Variants in FHAD1 observed in about 807,000 individuals in gnomAD.
The protein encoded by FHAD1 is forkhead associated phosphopeptide binding domain 1, also known as forkhead-associated domain-containing protein 1.
Under a neutral mutation model 191.3 loss-of-function variants are expected in FHAD1, and 146 were observed. The ratio of observed to expected loss-of-function variants is 0.76; its 90% CI spans 0.67 to 0.88. FHAD1 has a LOEUF of 0.88. Among genes scored for constraint, FHAD1 ranks in the 40% least tolerant of loss-of-function variants. FHAD1 has a pLI of 0.00. For synonymous variants in FHAD1, 616 were observed against 672.3 expected, an observed-to-expected ratio of 0.92 and a Z score of 1.29; for missense variants, 1,635 against 1,785.8, an observed-to-expected ratio of 0.92 and a Z score of 1.52.
chr1:15,252,840 A>G (rs1752000), intron 2 of FHAD1, among the ~76,000 whole-genome samples: 44,347 of 152,186 alleles, frequency 0.29, 7,511 homozygotes, highest in Non-Finnish European at 0.39. Flanking sequence ...TGACAACCAA[A>G]GAAGTTGAAA....
Position 15,328,393 on chromosome 1 carries a change from CATCGAGAAG to C in FHAD1, c.1675_1683del (p.Ile559_Lys561del). 6.5e-7 allele frequency: 1 copy of C among 1,544,804 alleles called. No individual in the cohort carries two copies. The highest frequency in any genetic ancestry group is 8.7e-7 in the Non-Finnish European group (1 of 1,144,526). ...CCAAGCAGGAGGAGACCACCGAGAA[CATCGAGAAG>C]CTGAGGACGTCGCTGGACAGCTGCC... On this transcript the variant is annotated inframe_deletion, in exon 13 of 34. Transcript: ENST00000688493.
chr1:15,324,523 C>A lies in FHAD1; in HGVS notation c.1437C>A (p.Ser479Arg). 1.9e-6 allele frequency: 3 copies of A among 1,551,898 alleles called. No individual in the cohort carries two copies. The highest frequency in any genetic ancestry group is 2.6e-6 in the Non-Finnish European group (3 of 1,146,972). The change falls in exon 11 of 34, where the codon AGC (serine) becomes AGA (arginine). Residue 479 changes from serine (S) to arginine (R), a missense_variant. Physicochemically the swap from Ser to Arg is moderately radical, Grantham distance 110 (BLOSUM62 -1). Transcript: ENST00000688493. ...TGCAAGAAATGGGGAACAGAGAGAG[C>A]GTCATTAAAATCAATTTGGAGAGGG... ...LQLQEMGNRE[S>R]VIKINLERAV...
intron 33 of FHAD1, among the ~76,000 whole-genome samples, chr1:15,396,875 TCTC>T (rs1156343084): frequency 1.3e-5 from 2 of 151,522 alleles, no homozygotes; most frequent in Non-Finnish European, 2.9e-5. Context: ...AGTGTCTAGT[TCTC>T]CTCATGTTAA....
chr1:15,318,882 A>G lies in FHAD1; in HGVS notation c.1365+954A>G, dbSNP rs1299805590. ...ATCACACATTTATTTTAATTTTTTT[A>G]ACTGAAAATATCTTCGAGAGTCCTG... is the stretch of plus-strand genomic sequence containing the variant. On this transcript the variant is annotated intron_variant, in intron 10 of 33. Coordinates refer to ENST00000688493, the MANE Select transcript of FHAD1 (RefSeq NM_001391957.1). The surrounding 1 kb of genome is among the most constrained non-coding windows in gnomAD (Gnocchi z 4.1). Among the ~76,000 whole-genome samples, 1 of 152,222 alleles carries G rather than the reference A, an allele frequency of 6.6e-6. No homozygotes were observed. Among genetic ancestry groups the G allele is most frequent in the Non-Finnish European group, 1.5e-5 (1 of 68,030 alleles).
chr1:15,305,756 G>C, intron 6 of FHAD1: 1 of 447,636 alleles, frequency 2.2e-6, no homozygotes, highest in Admixed American at 2.4e-5. Context: ...TCTTGCCGCC[G>C]CCATGTAAGA....
At chr1:15,341,181 C>CA (rs953893265) in intron 15 of FHAD1, among the ~76,000 whole-genome samples, 18 of 151,318 alleles carry the variant, frequency 1.2e-4, no homozygotes, top group Admixed American at 2.0e-4. Flanking sequence ...GACACCATCT[C>CA]AAAAAAAACA....
intron 31 of FHAD1, among the ~76,000 whole-genome samples, chr1:15,385,669 G>A (rs1701945604): frequency 6.6e-6 from 1 of 152,116 alleles, no homozygotes; most frequent in African/African-American, 2.4e-5. Flanking sequence ...CAGCTACTTG[G>A]GAGGCTAAGG....
chr1:15,314,100 T>TAATA (rs1558081911), intron 8 of FHAD1, among the ~76,000 whole-genome samples: 1 of 144,356 alleles, frequency 6.9e-6, no homozygotes, highest in African/African-American at 2.6e-5. Context: ...ATAATAATAA[T>TAATA]AACTATTTGC....
chr1:15,327,339 C>G lies in FHAD1; in HGVS notation c.1557+197C>G. 1.9e-6 allele frequency: 1 copy of G among 536,760 alleles called. No individual in the cohort carries two copies. The highest frequency in any genetic ancestry group is 3.3e-6 in the Non-Finnish European group (1 of 300,892). 33.2% of individuals were successfully genotyped at this position (536,760 alleles called of 1,614,324 possible). ...TAAAGTAAAAGCCAGTTAAAACTCC[C>G]TTGAAATGTGTCTGTGAAAATCAAA... is the stretch of plus-strand genomic sequence containing the variant. On this transcript the variant is annotated intron_variant, in intron 12 of 33. Transcript: ENST00000688493. This position sits in a 1 kb window ranked among gnomAD's most constrained non-coding sequence, Gnocchi z 5.1.
At chr1:15,291,456 T>A (rs1300207959) in intron 4 of FHAD1, among the ~76,000 whole-genome samples, 1 of 152,226 alleles carries the variant, frequency 6.6e-6, no homozygotes, top group Non-Finnish European at 1.5e-5. Context: ...TAATTTTAGA[T>A]ACATTTTAAA....
intron 14 of FHAD1, among the ~76,000 whole-genome samples, chr1:15,333,211 G>A (rs937082257): frequency 6.6e-6 from 1 of 152,100 alleles, no homozygotes; most frequent in African/African-American, 2.4e-5. Flanking sequence ...TACGTCAAGC[G>A]CCCAAAAGAC....
chr1:15,372,245 G>T (rs1156488983), intron 26 of FHAD1, among the ~76,000 whole-genome samples: 1 of 152,024 alleles, frequency 6.6e-6, no homozygotes, highest in East Asian at 1.9e-4. Flanking sequence ...GTGGGGGTAG[G>T]GGACCGTCCC....
At position 15,352,775 on chromosome 1, in the gene FHAD1, C is replaced by T. The variant is rs988752549; in HGVS notation, c.2455-102C>T. The T allele has an allele frequency of 3.7e-6, 3 of 821,792 alleles. No individual in the cohort carries two copies. In the African/African-American group the frequency reaches 5.1e-5, roughly 14 times the overall value. 50.9% of individuals were successfully genotyped at this position (821,792 alleles called of 1,614,324 possible). A position where few individuals can be genotyped will look rare whatever the true frequency, so the allele number is the denominator to read the frequency against. Reference sequence around the variant, plus strand: ...TGTTCTTTGAGATCTTTCTCTCCAACCCTGACTTGGTGGCTTCCACGGTGA... The same window carrying T: ...TGTTCTTTGAGATCTTTCTCTCCAATCCTGACTTGGTGGCTTCCACGGTGA... On this transcript the variant is annotated intron_variant, in intron 19 of 33. Coordinates refer to ENST00000688493, the MANE Select transcript of FHAD1 (RefSeq NM_001391957.1).
intron 1 of FHAD1, among the ~76,000 whole-genome samples, chr1:15,247,968 G>A (rs912237786): frequency 6.6e-6 from 1 of 152,102 alleles, no homozygotes; most frequent in Non-Finnish European, 1.5e-5. Context: ...ACTTTCTACA[G>A]TGTTTTCAGG....
chr1:15,246,560 C>T (rs1160731544), upstream of FHAD1, among the ~76,000 whole-genome samples: 4 of 148,034 alleles, frequency 2.7e-5, no homozygotes, highest in Non-Finnish European at 6.0e-5. Context: ...CAAGCGGTTT[C>T]TTAAGGACAG....
chr1:15,394,284 T>C (rs1042761175), intron 33 of FHAD1, among the ~76,000 whole-genome samples: 1 of 152,198 alleles, frequency 6.6e-6, no homozygotes, highest in Non-Finnish European at 1.5e-5. Context: ...CCTGGGACTC[T>C]TTAACAAACT....
chr1:15,353,096 C>T, intron 20 of FHAD1, 112 bp downstream of exon 20: 2 of 740,024 alleles, frequency 2.7e-6, no homozygotes, highest in East Asian at 5.4e-5. Context: ...GGCTGGGGGA[C>T]TTCAGGCTAG....
At chr1:15,328,121 C>T (rs937587026) in intron 12 of FHAD1, 156 bp from the exon 13 acceptor site, 16 of 445,054 alleles carry the variant, frequency 3.6e-5, no homozygotes, top group Admixed American at 1.7e-4. Context: ...TCCCCCTTGA[C>T]AGCCATCACC....
chr1:15,387,590 AAAC>A (rs1451446821), intron 31 of FHAD1, among the ~76,000 whole-genome samples: 2 of 152,104 alleles, frequency 1.3e-5, no homozygotes, highest in African/African-American at 2.4e-5. Flanking sequence ...TCTCTACAAA[AAAC>A]AAAAAAATTA....
Sources: gnomAD v4.1 joint callset for allele counts (sites outside exome capture counted in the v4.1 genomes callset) on GRCh38, gnomAD v4.1.1 for gene constraint, Gnocchi (gnomAD v3.1) non-coding constraint, MANE v1.5 for transcripts, NCBI Gene and HGNC (gene_info 2026-07-23, HGNC 2026-07-21) for gene names.